The following KIF26B variants were observed in gnomAD, a reference collection of about 807,000 sequenced individuals.
The protein encoded by KIF26B is kinesin-like protein KIF26B.
In KIF26B, 63 loss-of-function variants were observed where a neutral mutation model predicts 151.2. That is an observed-to-expected ratio of 0.42 (90% confidence interval 0.34 to 0.51). The LOEUF is 0.51. Ranked by LOEUF, KIF26B falls within the 20% of genes least tolerant of loss-of-function variation. The probability of loss-of-function intolerance (pLI) is 0.07; values close to 1 mark genes in which losing one functional copy is unlikely to be tolerated. For synonymous variants in KIF26B, 1,357 were observed against 1,262.1 expected (o/e 1.08, Z -1.59); for missense variants, 2,813 against 2,913.6 (o/e 0.97, Z 0.79).
In KIF26B at chr1:245,367,231, C is replaced by T. The variant is rs1321077714; in HGVS notation, c.863C>T (p.Ala288Val). ...EKKSGSPTHQ[A>V]KVSLQMATSP... ...AAGAGCGGGTCCCCAACCCACCAGG[C>T]CAAGGTCAGCCTCCAGATGGCCACC... Residue 288 changes from alanine (A) to valine (V), a missense_variant, in exon 3 of 15, where the codon GCC becomes GTC. Ala to Val is a moderately conservative substitution (Grantham distance 64). Transcript: ENST00000407071. This position sits in a 1 kb window ranked among gnomAD's most constrained non-coding sequence, Gnocchi z 4.2. 1.9e-6 allele frequency: 3 copies of T among 1,609,220 alleles called. No homozygotes were observed. The highest frequency in any genetic ancestry group is 1.1e-5 in the South Asian group (1 of 89,898).
chr1:245,508,801 A>G (rs928471140), intron 4 of KIF26B, among the ~76,000 whole-genome samples: 2 of 152,198 alleles, frequency 1.3e-5, no homozygotes, highest in African/African-American at 4.8e-5. Flanking sequence ...CAAAAACCAC[A>G]TCTGCAATGC....
At chr1:245,561,405 T>A (rs1044723946) in intron 5 of KIF26B, among the ~76,000 whole-genome samples, 1 of 152,070 alleles carries the variant, frequency 6.6e-6, no homozygotes, top group Non-Finnish European at 1.5e-5. Flanking sequence ...AAAAACTAGG[T>A]TAGGAAACTG....
intron 2 of KIF26B, among the ~76,000 whole-genome samples, chr1:245,169,173 A>G (rs1389370449): frequency 6.6e-6 from 1 of 152,066 alleles, no homozygotes; most frequent in Non-Finnish European, 1.5e-5. Context: ...GTATCTTACC[A>G]GGGCGTGAAT....
rs75389397 is a variant in KIF26B at position 245,447,753 on chromosome 1, C to T, written c.1166+28008C>T. Among the ~76,000 whole-genome samples the T allele has an allele frequency of 3.0e-3, 463 of 152,234 alleles. 8 individuals carry two copies. In the East Asian group the frequency reaches 0.054, roughly 18 times the overall value. ...GCCCCTTTCCGTGGCAGTGACCCCACGACCCAGAAGTTCCTACCCTTGTCC... is the reference window on the plus strand; with the variant it reads ...GCCCCTTTCCGTGGCAGTGACCCCATGACCCAGAAGTTCCTACCCTTGTCC... On this transcript the variant is annotated intron_variant, in intron 4 of 14. Coordinates refer to ENST00000407071, the MANE Select transcript of KIF26B (RefSeq NM_018012.4).
chr1:245,486,268 G>A lies in KIF26B; in HGVS notation c.1167-54499G>A, dbSNP rs569291849. On this transcript the variant is annotated intron_variant, in intron 4 of 14. Transcript: ENST00000407071. Reference sequence around the variant, plus strand: ...TGAGAAACTCCAGAAAAAGGCTTCTGCCTCTTTTTACGAGGGTCGTATTTG... The same window carrying A: ...TGAGAAACTCCAGAAAAAGGCTTCTACCTCTTTTTACGAGGGTCGTATTTG... Among the ~76,000 whole-genome samples, 9 of 152,302 alleles carry A rather than the reference G, an allele frequency of 5.9e-5. No homozygotes were observed. The South Asian group carries it at 1.7e-3, about 28-fold the overall frequency.
chr1:245,703,827 C>G lies in KIF26B; in HGVS notation c.*1221C>G, dbSNP rs2044806049. 6.6e-6 allele frequency: 1 copy of G among 152,212 alleles called. No homozygotes were observed. Among genetic ancestry groups the G allele is most frequent in the Admixed American group, 6.5e-5 (1 of 15,286 alleles). The allele number at this position is 152,212 out of a possible 1,614,324, so 9.4% of individuals were successfully genotyped here. ...TCCAGAGTACAAGGATTTCAGCTCTCCTGTGTCCCAAAGCCTCTATGCCAA... is the reference window on the plus strand; with the variant it reads ...TCCAGAGTACAAGGATTTCAGCTCTGCTGTGTCCCAAAGCCTCTATGCCAA... On this transcript the variant is annotated 3_prime_UTR_variant, in exon 15 of 15. Coordinates refer to ENST00000407071, the MANE Select transcript of KIF26B (RefSeq NM_018012.4).
intron 2 of KIF26B, among the ~76,000 whole-genome samples, chr1:245,164,740 G>GCA (rs778820923): frequency 2.0e-5 from 3 of 152,200 alleles, no homozygotes; most frequent in Non-Finnish European, 4.4e-5. Context: ...CCATTGGAGG[G>GCA]CACTCATGAA....
intron 7 of KIF26B, among the ~76,000 whole-genome samples, chr1:245,609,052 A>T (rs1420469488): frequency 1.3e-5 from 2 of 152,188 alleles, no homozygotes; most frequent in Admixed American, 6.5e-5. Flanking sequence ...ACTGAGCCCA[A>T]CCAGCATTCT....
At chr1:245,457,046 A>G (rs563770130) in intron 4 of KIF26B, among the ~76,000 whole-genome samples, 256 of 152,210 alleles carry the variant, frequency 1.7e-3, no homozygotes, top group African/African-American at 6.1e-3. Context: ...TTGTATTTTT[A>G]GTAGAGATGG....
intron 4 of KIF26B, among the ~76,000 whole-genome samples, chr1:245,489,388 A>G (rs955426722): frequency 2.6e-5 from 4 of 152,238 alleles, no homozygotes; most frequent in Non-Finnish European, 4.4e-5. Context: ...AGTAACTCCT[A>G]TAGCTCGTTT....
chr1:245,556,704 T>TTTTGTTTTTG (rs201702893), intron 5 of KIF26B, among the ~76,000 whole-genome samples: 3 of 150,612 alleles, frequency 2.0e-5, no homozygotes, highest in African/African-American at 2.4e-5. Flanking sequence ...ATCTGGTGTT[T>TTTTGTTTTTG]TTGTTGTTGT....
intron 2 of KIF26B, among the ~76,000 whole-genome samples, chr1:245,221,403 T>G (rs1478157623): frequency 6.7e-6 from 1 of 148,976 alleles, no homozygotes; most frequent in Non-Finnish European, 1.5e-5. Context: ...AAAAAAATTC[T>G]GTTCTTCCTG....
intron 5 of KIF26B, among the ~76,000 whole-genome samples, chr1:245,562,599 C>T (rs938019294): frequency 6.9e-6 from 1 of 144,320 alleles, no homozygotes; most frequent in Non-Finnish European, 1.5e-5. Flanking sequence ...CCCCCCCCTT[C>T]CCCCATGCTC....
rs554030092 is a variant in KIF26B at position 245,166,233 on chromosome 1, A to G, written c.465+9550A>G. 5.9e-5 allele frequency among the ~76,000 whole-genome samples: 9 copies of G among 152,280 alleles called. No homozygotes were observed. In the South Asian group the frequency reaches 1.9e-3, roughly 32 times the overall value. On this transcript the variant is annotated intron_variant, in intron 2 of 14. Coordinates refer to ENST00000407071, the MANE Select transcript of KIF26B (RefSeq NM_018012.4). This position sits in a 1 kb window ranked among gnomAD's most constrained non-coding sequence, Gnocchi z 4.5. ...GACTTTCCACAGGAAGTTGAATTTT[A>G]TATAAGATTCCTACCCTCCTTCCTT...
intron 9 of KIF26B, among the ~76,000 whole-genome samples, chr1:245,618,068 A>G (rs990617690): frequency 6.6e-6 from 1 of 152,194 alleles, no homozygotes; most frequent in Non-Finnish European, 1.5e-5. Flanking sequence ...AAGGAAGAGA[A>G]GGAGGCAGGG....
intron 2 of KIF26B, among the ~76,000 whole-genome samples, chr1:245,240,765 G>A (rs894176904): frequency 2.0e-5 from 3 of 152,198 alleles, no homozygotes; most frequent in Non-Finnish European, 2.9e-5. Context: ...AGGAGATGCC[G>A]CTGTGGGAGG....
At chr1:245,486,326 T>C (rs1660279173) in intron 4 of KIF26B, among the ~76,000 whole-genome samples, 1 of 152,174 alleles carries the variant, frequency 6.6e-6, no homozygotes, top group African/African-American at 2.4e-5. Flanking sequence ...ATCTGTCAAT[T>C]TGATAAATCA....
intron 4 of KIF26B, among the ~76,000 whole-genome samples, chr1:245,482,683 T>C (rs1429611943): frequency 6.6e-6 from 1 of 151,726 alleles, no homozygotes; most frequent in Non-Finnish European, 1.5e-5. Flanking sequence ...ACCTCACTGA[T>C]GTGCTGTGGA....
intron 9 of KIF26B, among the ~76,000 whole-genome samples, chr1:245,617,001 G>A (rs560555191): frequency 1.3e-5 from 2 of 152,248 alleles, no homozygotes; most frequent in East Asian, 3.9e-4. Flanking sequence ...TGCTGTGTGC[G>A]CACACAAATG....
Sources: gnomAD v4.1 joint callset for allele counts (sites outside exome capture counted in the v4.1 genomes callset) on GRCh38, gnomAD v4.1.1 for gene constraint, Gnocchi (gnomAD v3.1) non-coding constraint, MANE v1.5 for transcripts, NCBI Gene and HGNC (gene_info 2026-07-23, HGNC 2026-07-21) for gene names.